The following ROBO2 variants were observed in gnomAD, a reference collection of about 807,000 sequenced individuals.
ROBO2 encodes roundabout guidance receptor 2, also known as roundabout homolog 2.
ROBO2 carries 53 observed loss-of-function variants against 160.8 expected under a neutral mutation model. The ratio of observed to expected loss-of-function variants is 0.33; its 90% CI spans 0.26 to 0.41. The LOEUF is 0.41. ROBO2 is among the 10% of genes least tolerant of loss of function. The pLI is 1.00. For missense variants in ROBO2, 1,577 were observed against 1,722.4 expected, an observed-to-expected ratio of 0.92 and a Z score of 1.49; for synonymous variants, 664 against 611.7, an observed-to-expected ratio of 1.09 and a Z score of -1.26.
chr3:77,586,602 T>TA (rs1234437499), intron 16 of ROBO2, among the ~76,000 whole-genome samples: 3 of 152,002 alleles, frequency 2.0e-5, no homozygotes, highest in African/African-American at 7.2e-5. Flanking sequence ...ACCAGCAGCA[T>TA]AAAAAATAGC....
At chr3:76,869,462 G>A (rs2071773834) in intron 2 of ROBO2, among the ~76,000 whole-genome samples, 1 of 143,342 alleles carries the variant, frequency 7.0e-6, no homozygotes, top group Non-Finnish European at 1.5e-5. Flanking sequence ...CCATTCTCCT[G>A]CCTCAGCCTC....
In ROBO2 at chr3:76,555,558, A is replaced by T. The variant is rs186237471; in HGVS notation, c.110-542456A>T. ...TATGCTTAATGCCAATTGGAATAAA[A>T]CCTCAGGTACTTTGTAGAGGGGTAA... On this transcript the variant is annotated intron_variant, in intron 2 of 26. Coordinates refer to the ROBO2 transcript ENST00000487694. Among the ~76,000 whole-genome samples the T allele has an allele frequency of 4.6e-5, 7 of 152,236 alleles. No homozygotes were observed. In the East Asian group the frequency reaches 1.4e-3, roughly 30 times the overall value.
At chr3:77,384,740 T>C (rs1269866862) in intron 2 of ROBO2, among the ~76,000 whole-genome samples, 3 of 152,218 alleles carry the variant, frequency 2.0e-5, no homozygotes, top group African/African-American at 7.2e-5. Context: ...CTGCTCCTTA[T>C]AGAGTCACAA....
intron 2 of ROBO2, among the ~76,000 whole-genome samples, chr3:76,725,497 T>C (rs750923260): frequency 6.6e-6 from 1 of 152,182 alleles, no homozygotes; most frequent in African/African-American, 2.4e-5. Context: ...TCTCTAAAAA[T>C]TTTTTCTGGT....
At chr3:75,945,251 T>A (rs573146122) in intron 2 of ROBO2, among the ~76,000 whole-genome samples, 1 of 152,182 alleles carries the variant, frequency 6.6e-6, no homozygotes, top group South Asian at 2.1e-4. Flanking sequence ...TGAAAAGTAA[T>A]CCTGGATGGG....
At chr3:77,148,663 C>T (rs553343234) in intron 2 of ROBO2, among the ~76,000 whole-genome samples, 11 of 152,076 alleles carry the variant, frequency 7.2e-5, no homozygotes, top group African/African-American at 9.6e-5. Flanking sequence ...AAAGTACAGG[C>T]GCAAAAATAA....
At chr3:77,477,426 A>G (rs2084145910) in exon 3 of ROBO2, 1 of 1,613,768 alleles carries the variant, frequency 6.2e-7, no homozygotes. Flanking sequence ...TTACGAGATG[A>G]CTTCCGACAA....
At chr3:76,356,131 A>G (rs989173835) in intron 2 of ROBO2, among the ~76,000 whole-genome samples, 1 of 151,772 alleles carries the variant, frequency 6.6e-6, no homozygotes, top group Non-Finnish European at 1.5e-5. Context: ...TCATCTGAAT[A>G]TTTAATTTGG....
At chr3:77,121,957 AT>A (rs543901653) in intron 2 of ROBO2, among the ~76,000 whole-genome samples, 4 of 152,042 alleles carry the variant, frequency 2.6e-5, no homozygotes, top group African/African-American at 9.7e-5. Context: ...GGCAGGGTAG[AT>A]TTTTTTAAAA....
At chr3:77,588,989 G>T in intron 17 of ROBO2, 56 bp downstream of exon 18, 1 of 1,586,192 alleles carries the variant, frequency 6.3e-7, no homozygotes, top group Admixed American at 1.7e-5. Context: ...GTAATGAAAT[G>T]AATGGAAGGA....
At chr3:77,454,653 G>A (rs557376602) in intron 2 of ROBO2, among the ~76,000 whole-genome samples, 3 of 152,200 alleles carry the variant, frequency 2.0e-5, no homozygotes, top group Admixed American at 2.0e-4. Context: ...TTTGAAAGGT[G>A]TTTCCTTTGA....
intron 2 of ROBO2, among the ~76,000 whole-genome samples, chr3:77,238,201 A>G (rs62249665): frequency 0.03 from 4,528 of 152,292 alleles, 76 homozygotes; most frequent in Middle Eastern, 0.058. Flanking sequence ...TTCGCTAGAC[A>G]TCTATCATGT....
intron 2 of ROBO2, among the ~76,000 whole-genome samples, chr3:76,274,004 G>T (rs1707766503): frequency 6.6e-6 from 1 of 152,092 alleles, no homozygotes. Flanking sequence ...AGAGCAAGAG[G>T]GGACAGAACG....
At chr3:76,388,674 T>G (rs1345914862) in intron 2 of ROBO2, among the ~76,000 whole-genome samples, 1 of 152,198 alleles carries the variant, frequency 6.6e-6, no homozygotes, top group Admixed American at 6.5e-5. Context: ...GTGCCTTACA[T>G]TTTGTCTTCA....
intron 2 of ROBO2, among the ~76,000 whole-genome samples, chr3:77,394,013 G>A (rs376831644): frequency 6.6e-6 from 1 of 152,014 alleles, no homozygotes; most frequent in Non-Finnish European, 1.5e-5. Context: ...TTATGTGTGC[G>A]GCCTCTCCTT....
chr3:76,962,678 GCACC>G (rs2079762463), intron 2 of ROBO2, among the ~76,000 whole-genome samples: 1 of 148,576 alleles, frequency 6.7e-6, no homozygotes, highest in African/African-American at 2.5e-5. Context: ...ATGGTGACAT[GCACC>G]TGTGGTACCA....
At chr3:76,539,992 C>A (rs1179745800) in intron 2 of ROBO2, among the ~76,000 whole-genome samples, 3 of 152,266 alleles carry the variant, frequency 2.0e-5, no homozygotes, top group African/African-American at 7.2e-5. Context: ...TGCATTTTAG[C>A]CAAGATAGTT....
intron 2 of ROBO2, among the ~76,000 whole-genome samples, chr3:76,317,801 A>C (rs898360019): frequency 3.3e-5 from 5 of 152,094 alleles, no homozygotes; most frequent in Non-Finnish European, 5.9e-5. Context: ...AAACTTACTC[A>C]TATTGTTTCA....
intron 2 of ROBO2, among the ~76,000 whole-genome samples, chr3:76,664,242 T>C (rs1316077413): frequency 2.6e-5 from 4 of 152,074 alleles, no homozygotes; most frequent in African/African-American, 9.7e-5. Flanking sequence ...AGGTCTGATG[T>C]TGGGTAGTGA....
Sources: gnomAD v4.1 joint callset for allele counts (sites outside exome capture counted in the v4.1 genomes callset) on GRCh38, gnomAD v4.1.1 for gene constraint, MANE v1.5 for transcripts, NCBI Gene and HGNC (gene_info 2026-07-23, HGNC 2026-07-21) for gene names.